Variants in MAPKAP1 observed in about 807,000 individuals in gnomAD.
MAPKAP1 encodes the protein target of rapamycin complex 2 subunit MAPKAP1.
MAPKAP1 carries 20 observed loss-of-function variants against 65.7 expected under a neutral mutation model. That is an observed-to-expected ratio of 0.30 (90% CI 0.21 to 0.44). The LOEUF (loss-of-function observed/expected upper bound fraction) is 0.44, where lower values mean the gene tolerates loss of function less well. Ranked by LOEUF, MAPKAP1 falls within the 20% of genes least tolerant of loss-of-function variation. MAPKAP1 has a pLI of 1.00. For synonymous variants in MAPKAP1, 222 were observed against 244.3 expected (o/e 0.91, Z 0.85); for missense variants, 423 against 648.0 (o/e 0.65, Z 3.77).
At chr9:125,584,017 C>T (rs1172581318) in intron 5 of MAPKAP1, among the ~76,000 whole-genome samples, 3 of 151,666 alleles carry the variant, frequency 2.0e-5, no homozygotes, top group South Asian at 2.1e-4. Context: ...GAGCCGAGAT[C>T]GCGCCACTGC....
intron 5 of MAPKAP1, among the ~76,000 whole-genome samples, chr9:125,584,618 G>T (rs2131577516): frequency 6.6e-6 from 1 of 152,226 alleles, no homozygotes; most frequent in East Asian, 1.9e-4. Flanking sequence ...GTAGAGAAAG[G>T]GTTTCACCAT....
chr9:125,585,539 A>C lies in MAPKAP1; in HGVS notation c.671+16T>G, dbSNP rs754971399. On this transcript the variant is annotated intron_variant, in intron 5 of 11. Coordinates refer to ENST00000265960, the MANE Select transcript of MAPKAP1 (RefSeq NM_001006617.3). ...GACCACAAGAAACTAGAGCAGCCAA[A>C]AAGAGAATGGATTACTTGAGCTTCG... 1.2e-6 allele frequency: 2 copies of C among 1,611,426 alleles called. No homozygotes were observed. Among genetic ancestry groups the C allele is most frequent in the Non-Finnish European group, 1.7e-6 (2 of 1,177,902 alleles).
intron 8 of MAPKAP1, among the ~76,000 whole-genome samples, chr9:125,504,804 A>C (rs1240530326): frequency 2.6e-5 from 4 of 151,994 alleles, no homozygotes; most frequent in African/African-American, 9.7e-5. Flanking sequence ...AAAAAACCCC[A>C]AAACCAAACC....
chr9:125,532,750 C>G (rs1829968021), intron 7 of MAPKAP1, among the ~76,000 whole-genome samples: 1 of 152,230 alleles, frequency 6.6e-6, no homozygotes, highest in South Asian at 2.1e-4. Context: ...CTTAGATCTG[C>G]TGCCCCAAAA....
Position 125,545,054 on chromosome 9 carries a change from T to C in MAPKAP1, c.849-1886A>G, listed in dbSNP as rs1177704257. Reference sequence around the variant, plus strand: ...GTCTGGCCAGCACCATCATCCATTTTAACTTGGTCAAGTTCTTGCTATTGA... The same window carrying C: ...GTCTGGCCAGCACCATCATCCATTTCAACTTGGTCAAGTTCTTGCTATTGA... On this transcript the variant is annotated intron_variant, in intron 6 of 11. Coordinates refer to ENST00000265960, the MANE Select transcript of MAPKAP1 (RefSeq NM_001006617.3). Among the ~76,000 whole-genome samples, 3 of 152,382 alleles carry C rather than the reference T, an allele frequency of 2.0e-5. No individual in the cohort carries two copies. The East Asian group carries it at 5.8e-4, about 29-fold the overall frequency.
At chr9:125,589,669 C>T (rs1030205800) in intron 4 of MAPKAP1, among the ~76,000 whole-genome samples, 1 of 152,176 alleles carries the variant, frequency 6.6e-6, no homozygotes, top group Admixed American at 6.5e-5. Flanking sequence ...ATTATAAAGT[C>T]AGTTTAAAAA....
In MAPKAP1 at chr9:125,439,157, C is replaced by T; in HGVS notation, c.1444-145G>A. ...TCGTGTGGAAGGAGTCCAGTCATCA[C>T]AGCAACCTGGCAGCGGCTGGGCCCA... On this transcript the variant is annotated intron_variant, in intron 11 of 11. Transcript: ENST00000265960. This position sits in a 1 kb window ranked among gnomAD's most constrained non-coding sequence, Gnocchi z 4.0. 1.2e-6 allele frequency: 1 copy of T among 858,378 alleles called. No homozygotes were observed. Among genetic ancestry groups the T allele is most frequent in the South Asian group, 1.8e-5 (1 of 55,176 alleles). 53.2% of individuals were successfully genotyped at this position (858,378 alleles called of 1,614,324 possible). A position where few individuals can be genotyped will look rare whatever the true frequency, so the allele number is the denominator to read the frequency against.
chr9:125,656,684 C>A (rs543067281), intron 4 of MAPKAP1, among the ~76,000 whole-genome samples: 1 of 152,006 alleles, frequency 6.6e-6, no homozygotes, highest in Non-Finnish European at 1.5e-5. Flanking sequence ...ACTGCAATGG[C>A]GCTGAAGTAA....
intron 4 of MAPKAP1, among the ~76,000 whole-genome samples, chr9:125,644,831 T>C (rs1833679564): frequency 6.6e-6 from 1 of 152,232 alleles, no homozygotes; most frequent in Non-Finnish European, 1.5e-5. Context: ...AAAGAGATAA[T>C]ATCCATTTCT....
At chr9:125,685,441 A>G (rs1834946810) in intron 1 of MAPKAP1, among the ~76,000 whole-genome samples, 1 of 152,192 alleles carries the variant, frequency 6.6e-6, no homozygotes, top group African/African-American at 2.4e-5. Context: ...CCAAGGAGCA[A>G]GTAGTAGATA....
At chr9:125,668,439 T>A (rs1834403460) in intron 3 of MAPKAP1, among the ~76,000 whole-genome samples, 1 of 152,228 alleles carries the variant, frequency 6.6e-6, no homozygotes, top group African/African-American at 2.4e-5. Flanking sequence ...ATTAGACTTA[T>A]AATTATTGTG....
At chr9:125,449,538 C>T (rs139072719) in intron 10 of MAPKAP1, among the ~76,000 whole-genome samples, 13 of 152,258 alleles carry the variant, frequency 8.5e-5, no homozygotes, top group African/African-American at 2.6e-4. Context: ...AACTGTACCT[C>T]CACTCGTGAG....
chr9:125,640,639 TG>T (rs1833551109), intron 4 of MAPKAP1, among the ~76,000 whole-genome samples: 1 of 152,256 alleles, frequency 6.6e-6, no homozygotes, highest in Non-Finnish European at 1.5e-5. Context: ...ATTCTAATGA[TG>T]GCTATGACCT....
chr9:125,696,624 A>G (rs1433304240), intron 1 of MAPKAP1, among the ~76,000 whole-genome samples: 1 of 152,084 alleles, frequency 6.6e-6, no homozygotes, highest in Non-Finnish European at 1.5e-5. Context: ...AAAAAACAAA[A>G]AACCTTAAGC....
At chr9:125,635,649 A>G (rs2131696921) in intron 4 of MAPKAP1, among the ~76,000 whole-genome samples, 1 of 152,310 alleles carries the variant, frequency 6.6e-6, no homozygotes, top group East Asian at 1.9e-4. Context: ...CTCAACACAA[A>G]AGCAGGTAAA....
chr9:125,496,103 G>A lies in MAPKAP1; in HGVS notation c.1066+10207C>T, dbSNP rs916342236. ...GGGAATACCATCACATTTTGCAGCA[G>A]GGGAAATGAGGCCCACAAAGAAGGA... On this transcript the variant is annotated intron_variant, in intron 8 of 11. Transcript: ENST00000265960. Among the ~76,000 whole-genome samples, 5 of 152,186 alleles carry A rather than the reference G, an allele frequency of 3.3e-5. No individual in the cohort carries two copies. The East Asian group carries it at 9.6e-4, about 29-fold the overall frequency.
intron 7 of MAPKAP1, among the ~76,000 whole-genome samples, chr9:125,510,622 C>T (rs1420345615): frequency 6.6e-6 from 1 of 152,166 alleles, no homozygotes; most frequent in Admixed American, 6.5e-5. Context: ...ACTCCCTGCT[C>T]ATCCATCAAA....
rs187130695 is a variant in MAPKAP1 at position 125,453,424 on chromosome 9, A to T, written c.1346-8826T>A. 2.4e-4 allele frequency among the ~76,000 whole-genome samples: 36 copies of T among 152,378 alleles called. No individual in the cohort carries two copies. In the East Asian group the frequency reaches 6.7e-3, roughly 29 times the overall value. Reference sequence around the variant, plus strand: ...TGAACAGAAAACAGCTGGATTATCCAATCTGATTCTGCATTTGATCTGCTG... The same window carrying T: ...TGAACAGAAAACAGCTGGATTATCCTATCTGATTCTGCATTTGATCTGCTG... On this transcript the variant is annotated intron_variant, in intron 10 of 11. Transcript: ENST00000265960.
chr9:125,474,990 C>A (rs1216227920), intron 9 of MAPKAP1, among the ~76,000 whole-genome samples: 1 of 152,130 alleles, frequency 6.6e-6, no homozygotes, highest in Non-Finnish European at 1.5e-5. Flanking sequence ...TACAGCCAAT[C>A]GATAGCATCC....
Sources: allele counts gnomAD v4.1 joint callset (sites outside exome capture counted in the v4.1 genomes callset), GRCh38; gene constraint gnomAD v4.1.1; non-coding constraint Gnocchi (gnomAD v3.1); transcripts MANE v1.5; gene names NCBI Gene and HGNC (gene_info 2026-07-23, HGNC 2026-07-21).